The following PTPRD variants were observed in gnomAD, a reference collection of about 807,000 sequenced individuals.
PTPRD encodes the protein protein tyrosine phosphatase receptor type D, also known as receptor-type tyrosine-protein phosphatase delta.
A neutral mutation model predicts 214.5 loss-of-function variants in PTPRD; 34 were observed. That is an observed-to-expected ratio of 0.16 (90% CI 0.12 to 0.21). The LOEUF (loss-of-function observed/expected upper bound fraction) is 0.21, where lower values mean the gene tolerates loss of function less well. PTPRD is among the 10% of genes least tolerant of loss of function. The pLI is 1.00. For synonymous variants in PTPRD, 1,128 were observed against 845.7 expected, an observed-to-expected ratio of 1.33 and a Z score of -5.79; for missense variants, 2,545 against 2,398.7, an observed-to-expected ratio of 1.06 and a Z score of -1.27.
At chr9:9,752,698 G>A (rs1267397086) in intron 6 of PTPRD, among the ~76,000 whole-genome samples, 1 of 151,938 alleles carries the variant, frequency 6.6e-6, no homozygotes, top group Non-Finnish European at 1.5e-5. Flanking sequence ...AGATGCAGTG[G>A]GGACGGAGGG....
chr9:9,520,004 T>A (rs112195193), intron 8 of PTPRD, among the ~76,000 whole-genome samples: 4 of 152,142 alleles, frequency 2.6e-5, no homozygotes, highest in African/African-American at 7.2e-5. Context: ...AAAATAGGCC[T>A]ATGTATGTAG....
intron 2 of PTPRD, among the ~76,000 whole-genome samples, chr9:10,561,120 G>A (rs2063855480): frequency 6.6e-6 from 1 of 152,096 alleles, no homozygotes; most frequent in South Asian, 2.1e-4. Context: ...CAGTAGCATT[G>A]TATTTTAGAT....
chr9:9,059,830 C>T (rs2099703819), intron 10 of PTPRD, among the ~76,000 whole-genome samples: 3 of 151,400 alleles, frequency 2.0e-5, no homozygotes, highest in Non-Finnish European at 4.4e-5. Flanking sequence ...TTTAAATGCA[C>T]AAAATAAATA....
chr9:8,443,581 T>G (rs1450659926), intron 34 of PTPRD, among the ~76,000 whole-genome samples: 2 of 152,194 alleles, frequency 1.3e-5, no homozygotes, highest in Non-Finnish European at 2.9e-5. Context: ...TGAATGAAAA[T>G]GAGGTCTTTG....
At chr9:8,983,961 C>A (rs1439443785) in intron 11 of PTPRD, among the ~76,000 whole-genome samples, 1 of 151,942 alleles carries the variant, frequency 6.6e-6, no homozygotes, top group East Asian at 1.9e-4. Flanking sequence ...GATCAAAAGA[C>A]CAATATTTTA....
chr9:9,434,542 C>T (rs2084444935), intron 8 of PTPRD, among the ~76,000 whole-genome samples: 2 of 152,052 alleles, frequency 1.3e-5, no homozygotes, highest in East Asian at 1.9e-4. Flanking sequence ...TTATATGGAG[C>T]CACAAATAAT....
chr9:8,893,298 C>A (rs1182617847), intron 11 of PTPRD, among the ~76,000 whole-genome samples: 1 of 152,114 alleles, frequency 6.6e-6, no homozygotes, highest in Non-Finnish European at 1.5e-5. Context: ...GGGCAGCAGC[C>A]ACCTTTCATT....
At chr9:8,362,776 C>T (rs1296071645) in intron 39 of PTPRD, among the ~76,000 whole-genome samples, 5 of 152,184 alleles carry the variant, frequency 3.3e-5, no homozygotes, top group Non-Finnish European at 7.3e-5. Flanking sequence ...TGTTCTCTAC[C>T]TTTCTACAGA....
At chr9:8,745,162 C>T (rs931239808) in intron 11 of PTPRD, among the ~76,000 whole-genome samples, 3 of 152,138 alleles carry the variant, frequency 2.0e-5, no homozygotes, top group African/African-American at 7.2e-5. Flanking sequence ...TTTTGGGCAA[C>T]CCTCTCATTT....
intron 14 of PTPRD, among the ~76,000 whole-genome samples, chr9:8,575,120 C>A (rs2092114121): frequency 6.6e-6 from 1 of 152,084 alleles, no homozygotes; most frequent in Non-Finnish European, 1.5e-5. Context: ...AGGCTGCAAA[C>A]AAGTACAAGA....
chr9:9,258,392 G>C (rs1022319813), intron 9 of PTPRD, among the ~76,000 whole-genome samples: 5 of 151,548 alleles, frequency 3.3e-5, no homozygotes, highest in Middle Eastern at 3.4e-3. Context: ...TGCTGTTCTG[G>C]TTAGTTTTTC....
intron 2 of PTPRD, among the ~76,000 whole-genome samples, chr9:10,576,214 A>T (rs1346316814): frequency 6.6e-6 from 1 of 152,120 alleles, no homozygotes; most frequent in Non-Finnish European, 1.5e-5. Flanking sequence ...TGATTTTTCC[A>T]TCATAAGTTG....
rs192153763 is a variant in PTPRD at position 9,251,758 on chromosome 9, T to C, written c.-202-68395A>G. On this transcript the variant is annotated intron_variant, in intron 9 of 45. Transcript: ENST00000381196. ...ACATTTGAAAGAAGCCAAAAGTAAT[T>C]GTTGAATAAAGTGTTTAAATAAAAG... is the stretch of plus-strand genomic sequence containing the variant. Among the ~76,000 whole-genome samples the C allele has an allele frequency of 2.0e-5, 3 of 152,178 alleles. No homozygotes were observed. The East Asian group carries it at 5.8e-4, about 30-fold the overall frequency.
intron 31 of PTPRD, 35 bp downstream of exon 31, chr9:8,470,960 C>G (rs200356129): frequency 2.6e-6 from 4 of 1,567,716 alleles, no homozygotes. Context: ...GATTAAATAA[C>G]GAATAAAAGA....
Position 10,304,814 on chromosome 9 carries a change from T to C in PTPRD, c.-545+36149A>G, listed in dbSNP as rs140130871. 1.3e-3 allele frequency among the ~76,000 whole-genome samples: 201 copies of C among 152,262 alleles called. 1 individual carries two copies. The highest frequency in any genetic ancestry group is 4.6e-3 in the African/African-American group (192 of 41,556). ...CTTATAGATAGGAAGAATCAATTCA[T>C]GAAAATGGCCATACTGCCCAAAGTA... On this transcript the variant is annotated intron_variant, in intron 3 of 45. Coordinates refer to ENST00000381196, the MANE Select transcript of PTPRD (RefSeq NM_002839.4).
intron 2 of PTPRD, among the ~76,000 whole-genome samples, chr9:10,375,856 C>G (rs1440792014): frequency 6.6e-6 from 1 of 151,926 alleles, no homozygotes; most frequent in Non-Finnish European, 1.5e-5. Flanking sequence ...TCAAATTTTT[C>G]TAAATATTGA....
At chr9:8,374,068 T>G (rs564103961) in intron 39 of PTPRD, among the ~76,000 whole-genome samples, 1 of 151,544 alleles carries the variant, frequency 6.6e-6, no homozygotes, top group Admixed American at 6.6e-5. Flanking sequence ...ATTATGTGTC[T>G]CTAATTTTTG....
chr9:9,067,225 C>A (rs542850595), intron 10 of PTPRD, among the ~76,000 whole-genome samples: 1 of 152,074 alleles, frequency 6.6e-6, no homozygotes, highest in Non-Finnish European at 1.5e-5. Context: ...AGTGAGACTC[C>A]GTCTCAAAAA....
chr9:8,820,556 A>G (rs1183574330), intron 11 of PTPRD, among the ~76,000 whole-genome samples: 1 of 152,232 alleles, frequency 6.6e-6, no homozygotes, highest in African/African-American at 2.4e-5. Context: ...CTTTAATCCT[A>G]TCAAGGTTAA....
Sources: allele counts gnomAD v4.1 joint callset (sites outside exome capture counted in the v4.1 genomes callset), GRCh38; gene constraint gnomAD v4.1.1; transcripts MANE v1.5; gene names NCBI Gene and HGNC (gene_info 2026-07-23, HGNC 2026-07-21).